The following SLC6A12 variants were observed in gnomAD, a reference collection of about 807,000 sequenced individuals.
SLC6A12 encodes solute carrier family 6 member 12.
In SLC6A12, 50 loss-of-function variants were observed where a neutral mutation model predicts 73.3. The observed-to-expected ratio is 0.68, with a 90% CI of 0.54 to 0.86. SLC6A12 has a LOEUF of 0.86. Ranked by LOEUF, SLC6A12 falls within the 40% of genes least tolerant of loss-of-function variation. The probability of loss-of-function intolerance (pLI) is 0.00; values close to 1 mark genes in which losing one functional copy is unlikely to be tolerated. For synonymous variants in SLC6A12, 304 were observed against 309.2 expected, an observed-to-expected ratio of 0.98 and a Z score of 0.18; for missense variants, 648 against 772.8, an observed-to-expected ratio of 0.84 and a Z score of 1.92.
intron 7 of SLC6A12, 94 bp from the exon 8 acceptor site, chr12:199,025 A>C: frequency 1.5e-5 from 19 of 1,274,210 alleles, no homozygotes; most frequent in Non-Finnish European, 1.9e-5. Context: ...CACGGAGCTC[A>C]GTCCCAACCT....
At chr12:201,939 T>C in intron 5 of SLC6A12, 90 bp from the exon 6 acceptor site, 1 of 1,067,784 alleles carries the variant, frequency 9.4e-7, no homozygotes, top group Non-Finnish European at 1.4e-6. Context: ...CTAGTGGTCC[T>C]CACCACTCCT....
intron 4 of SLC6A12, chr12:203,645 G>A (rs1036736872): frequency 2.6e-5 from 4 of 152,196 alleles, no homozygotes; most frequent in South Asian, 4.1e-4. Context: ...GGCGGAACGC[G>A]CTGTGCTCGC....
intron 3 of SLC6A12, among the ~76,000 whole-genome samples, chr12:207,061 G>T (rs1940687953): frequency 6.6e-6 from 1 of 152,262 alleles, no homozygotes; most frequent in South Asian, 2.1e-4. Context: ...CCTTCGAGGG[G>T]CAGATGAAGA....
intron 4 of SLC6A12, chr12:203,788 G>C (rs368339864): frequency 6.6e-6 from 1 of 151,094 alleles, no homozygotes; most frequent in South Asian, 2.2e-4. Flanking sequence ...TGGAGAAGGG[G>C]CTCGCGGGGG....
In SLC6A12 at chr12:191,163, G is replaced by T. The variant is rs757334836; in HGVS notation, c.1750C>A (p.Gln584Lys). ...GCACTGCCATCCAAGCAGGGATGTT[G>T]CTTGGGCTGTGGCAGACTGGAGTCA... ...TPDSSLPQPKQHPCLDGSAGR... is the reference protein window; with the variant it reads ...TPDSSLPQPKKHPCLDGSAGR... Residue 584 changes from glutamine (Q) to lysine (K), a missense_variant, in exon 16 of 16, where the codon CAA becomes AAA. Coordinates refer to ENST00000684302, the MANE Select transcript of SLC6A12 (RefSeq NM_001122848.3). 2 of 1,312,180 alleles carry T rather than the reference G, an allele frequency of 1.5e-6. No individual in the cohort carries two copies. The highest frequency in any genetic ancestry group is 6.3e-5 in the Admixed American group (2 of 31,590). The allele number at this position is 1,312,180 out of a possible 1,614,324, so 81.3% of individuals were successfully genotyped here.
chr12:187,146 C>T (rs925025801), downstream of SLC6A12, among the ~76,000 whole-genome samples: 2 of 152,198 alleles, frequency 1.3e-5, no homozygotes, highest in Non-Finnish European at 2.9e-5. Context: ...GCCACACTGG[C>T]CAAATTGTAG....
intron 7 of SLC6A12, among the ~76,000 whole-genome samples, chr12:200,331 AT>A (rs1413260461): frequency 9.2e-5 from 14 of 151,732 alleles, no homozygotes; most frequent in African/African-American, 3.4e-4. Context: ...GATGGTCTCG[AT>A]CTCCTGACCT....
At chr12:184,897 C>T in the SLC6A12 span, among the ~76,000 whole-genome samples, 46 of 151,040 alleles carry the variant, frequency 3.0e-4, no homozygotes, top group African/African-American at 7.6e-4. Flanking sequence ...CAAGCCACTG[C>T]GCTCCAGCCT....
Position 197,434 on chromosome 12 carries a change from T to A in SLC6A12, c.1018A>T (p.Ile340Phe), listed in dbSNP as rs758909823. 6.2e-7 allele frequency: 1 copy of A among 1,613,760 alleles called. No individual in the cohort carries two copies. The highest frequency in any genetic ancestry group is 8.5e-7 in the Non-Finnish European group (1 of 1,179,886). ...SFVAGFVVFS[I>F]LGFMSQEQGV... ...TGCTCTTGGGACATGAAGCCCAGGA[T>A]GGAGAAGACAACAAACCCAGCCACA... Residue 340 changes from isoleucine to phenylalanine, a missense_variant, in exon 10 of 16, where the codon ATC (isoleucine) becomes TTC (phenylalanine). Coordinates refer to ENST00000684302, the MANE Select transcript of SLC6A12 (RefSeq NM_001122848.3).
At chr12:184,672 C>G in the SLC6A12 span, among the ~76,000 whole-genome samples, 2 of 152,122 alleles carry the variant, frequency 1.3e-5, no homozygotes, top group Non-Finnish European at 1.5e-5. Flanking sequence ...ATGGCGTGAA[C>G]CCGGGAGGCG....
downstream of SLC6A12, among the ~76,000 whole-genome samples, chr12:188,442 C>T (rs893323965): frequency 8.6e-5 from 13 of 151,902 alleles, no homozygotes; most frequent in African/African-American, 3.1e-4. Flanking sequence ...GCCCCGCTTC[C>T]CGCCAGCGCC....
At chr12:191,239 A>G (rs1591775820) in intron 15 of SLC6A12, 28 bp from the exon 16 acceptor site, 3 of 1,259,350 alleles carry the variant, frequency 2.4e-6, no homozygotes, top group Non-Finnish European at 3.0e-6. Flanking sequence ...AGGGATTTGG[A>G]GCTGATGGTG....
downstream of SLC6A12, among the ~76,000 whole-genome samples, chr12:189,517 C>T (rs911529540): frequency 1.3e-5 from 2 of 152,184 alleles, no homozygotes; most frequent in Admixed American, 1.3e-4. Context: ...GGACGGAACT[C>T]ACCCCAGCCT....
downstream of SLC6A12, among the ~76,000 whole-genome samples, chr12:188,456 C>G (rs1244130764): frequency 6.6e-6 from 1 of 150,990 alleles, no homozygotes; most frequent in South Asian, 2.1e-4. Context: ...CAGCGCCTCT[C>G]CCTCCACACC....
At chr12:195,365 A>C (rs781128231) in intron 12 of SLC6A12, 38 bp from the exon 13 acceptor site, 7 of 1,338,864 alleles carry the variant, frequency 5.2e-6, no homozygotes, top group Admixed American at 3.4e-5. Context: ...TGGCCAGTGC[A>C]GAGCTGGGAC....
chr12:203,191 G>A (rs567257102), intron 4 of SLC6A12: 233 of 195,642 alleles, frequency 1.2e-3, no homozygotes, highest in African/African-American at 5.2e-3. Context: ...CTCAGCCTCC[G>A]GAGTAGCTGG....
intron 15 of SLC6A12, 79 bp from the exon 16 acceptor site, chr12:191,290 C>T (rs780027686): frequency 1.7e-5 from 21 of 1,208,322 alleles, no homozygotes; most frequent in Non-Finnish European, 2.2e-5. Context: ...AACCCCAGGG[C>T]CCAGCCCAGA....
chr12:212,237 C>T (rs997207692), intron 1 of SLC6A12, 127 bp from the exon 2 acceptor site: 2 of 152,228 alleles, frequency 1.3e-5, no homozygotes, highest in African/African-American at 2.4e-5. Context: ...AATCCCAGGG[C>T]GAGCCCCAAG....
intron 7 of SLC6A12, among the ~76,000 whole-genome samples, chr12:200,313 T>C (rs1940174186): frequency 6.6e-6 from 1 of 151,758 alleles, no homozygotes. Flanking sequence ...TTTTACCGTG[T>C]TAGCCAGGAT....
Sources: allele counts gnomAD v4.1 joint callset (sites outside exome capture counted in the v4.1 genomes callset), GRCh38; gene constraint gnomAD v4.1.1; transcripts MANE v1.5; gene names NCBI Gene and HGNC (gene_info 2026-07-23, HGNC 2026-07-21).